Variants in SLC4A4 observed in about 807,000 individuals in gnomAD.
SLC4A4 encodes electrogenic sodium bicarbonate cotransporter 1.
SLC4A4 carries 27 observed loss-of-function variants against 111.5 expected under a neutral mutation model. That is an observed-to-expected ratio of 0.24 (90% CI 0.18 to 0.33). The LOEUF (loss-of-function observed/expected upper bound fraction) is 0.33, where lower values mean the gene tolerates loss of function less well. Among genes scored for constraint, SLC4A4 ranks in the 10% least tolerant of loss-of-function variants. The pLI, the probability that SLC4A4 is intolerant of heterozygous loss-of-function variation, is 1.00. For synonymous variants in SLC4A4, 443 were observed against 463.4 expected (o/e 0.96, Z 0.57); for missense variants, 909 against 1,315.5 (o/e 0.69, Z 4.78).
At chr4:71,471,335 A>G (rs750702111) in intron 13 of SLC4A4, among the ~76,000 whole-genome samples, 2 of 151,964 alleles carry the variant, frequency 1.3e-5, no homozygotes, top group Non-Finnish European at 2.9e-5. Flanking sequence ...TCTGACTTTC[A>G]TTAAAAGGGA....
At chr4:71,118,203 T>C (rs1743324003) in intron 2 of SLC4A4, among the ~76,000 whole-genome samples, 1 of 152,194 alleles carries the variant, frequency 6.6e-6, no homozygotes, top group African/African-American at 2.4e-5. Context: ...TAGTTATCTT[T>C]TTCTTATTGC....
chr4:71,229,438 T>C (rs1248654171), intron 1 of SLC4A4, among the ~76,000 whole-genome samples: 1 of 152,232 alleles, frequency 6.6e-6, no homozygotes, highest in Non-Finnish European at 1.5e-5. Flanking sequence ...AATGAACTTT[T>C]AATACAGTTC....
chr4:71,120,142 T>C (rs1447300543), intron 2 of SLC4A4, among the ~76,000 whole-genome samples: 1 of 152,192 alleles, frequency 6.6e-6, no homozygotes, highest in Non-Finnish European at 1.5e-5. Context: ...AGCTTTTCTT[T>C]TTCTTGTGTC....
chr4:71,482,322 T>A (rs973544211), intron 14 of SLC4A4, among the ~76,000 whole-genome samples: 3 of 151,808 alleles, frequency 2.0e-5, no homozygotes, highest in Non-Finnish European at 4.4e-5. Context: ...TACTTTTTAC[T>A]GTCCTTTTGA....
chr4:71,564,051 C>G (rs945956424), intron 24 of SLC4A4, among the ~76,000 whole-genome samples, 162 bp downstream of exon 24: 1 of 151,824 alleles, frequency 6.6e-6, no homozygotes. Flanking sequence ...TTTTTACATA[C>G]CCTAAGCTTC....
In SLC4A4 at chr4:71,290,748, T is replaced by C. The variant is rs73826230; in HGVS notation, c.253+35349T>C. On this transcript the variant is annotated intron_variant, in intron 3 of 25. Transcript: ENST00000264485. Reference sequence around the variant, plus strand: ...ATACAAACCCATCAGGTGATTTTTATATTATGTGGGAGAGAAACTCTCAGA... The same window carrying C: ...ATACAAACCCATCAGGTGATTTTTACATTATGTGGGAGAGAAACTCTCAGA... Among the ~76,000 whole-genome samples, 320 of 152,320 alleles carry C rather than the reference T, an allele frequency of 2.1e-3. 2 individuals carry two copies. The highest frequency in any genetic ancestry group is 7.3e-3 in the African/African-American group (302 of 41,568).
At chr4:71,259,916 A>T (rs181290642) in intron 3 of SLC4A4, among the ~76,000 whole-genome samples, 30 of 152,264 alleles carry the variant, frequency 2.0e-4, no homozygotes, top group Admixed American at 1.7e-3. Flanking sequence ...GATGTGTAAG[A>T]TATTTCTTGA....
chr4:71,465,017 G>A (rs76629394), intron 12 of SLC4A4, among the ~76,000 whole-genome samples: 1 of 152,196 alleles, frequency 6.6e-6, no homozygotes, highest in Non-Finnish European at 1.5e-5. Context: ...GTAAGAGGTG[G>A]CCTAGTGAGG....
intron 3 of SLC4A4, among the ~76,000 whole-genome samples, chr4:71,279,746 TATGAGG>T (rs991810089): frequency 6.6e-6 from 1 of 152,178 alleles, no homozygotes; most frequent in Non-Finnish European, 1.5e-5. Context: ...ATTAACAGTG[TATGAGG>T]ATTCTCTTTT....
At chr4:71,500,162 G>A (rs1221025413) in intron 16 of SLC4A4, among the ~76,000 whole-genome samples, 1 of 152,082 alleles carries the variant, frequency 6.6e-6, no homozygotes, top group East Asian at 1.9e-4. Flanking sequence ...GTAATTTGTA[G>A]TTCCCTGATA....
At position 71,472,493 on chromosome 4, in the gene SLC4A4, C is replaced by T. The variant is rs111533596; in HGVS notation, c.1632-206C>T. ...ATATAACTACTTTCAATGCATTTTC[C>T]TCAAACTTTTATTGCTATTTTAAAA... On this transcript the variant is annotated intron_variant, in intron 13 of 25. Coordinates refer to ENST00000264485, the MANE Select transcript of SLC4A4 (RefSeq NM_001098484.3). Among the ~76,000 whole-genome samples the T allele has an allele frequency of 1.5e-4, 23 of 151,952 alleles. 1 individual carries two copies. The highest frequency in any genetic ancestry group is 5.5e-4 in the African/African-American group (23 of 41,512).
intron 2 of SLC4A4, among the ~76,000 whole-genome samples, chr4:71,114,257 A>G: frequency 6.6e-6 from 1 of 152,182 alleles, no homozygotes; most frequent in East Asian, 1.9e-4. Flanking sequence ...AAAAACAAAC[A>G]AACAAACATA....
intron 7 of SLC4A4, among the ~76,000 whole-genome samples, chr4:71,410,812 G>A (rs1024255232): frequency 1.3e-5 from 2 of 152,062 alleles, no homozygotes; most frequent in African/African-American, 4.8e-5. Flanking sequence ...AGTTCCACAG[G>A]AGTATATACA....
intron 14 of SLC4A4, among the ~76,000 whole-genome samples, chr4:71,483,275 A>G (rs755485811): frequency 2.6e-5 from 4 of 151,532 alleles, no homozygotes; most frequent in Admixed American, 6.6e-5. Context: ...TCACCCAAGT[A>G]TTAAGCCAAG....
intron 6 of SLC4A4, among the ~76,000 whole-genome samples, chr4:71,371,812 C>T (rs1422340736): frequency 6.6e-6 from 1 of 152,116 alleles, no homozygotes; most frequent in Non-Finnish European, 1.5e-5. Flanking sequence ...TTTTGTGTCT[C>T]CTCTGGTGCA....
intron 3 of SLC4A4, among the ~76,000 whole-genome samples, chr4:71,304,441 C>T (rs1479289218): frequency 1.3e-5 from 2 of 152,188 alleles, no homozygotes; most frequent in Non-Finnish European, 2.9e-5. Flanking sequence ...ACCTTTCCGC[C>T]ATCTTTTTGT....
intron 1 of SLC4A4, among the ~76,000 whole-genome samples, chr4:71,223,239 G>C (rs988891778): frequency 1.3e-5 from 2 of 151,012 alleles, no homozygotes; most frequent in African/African-American, 2.4e-5. Context: ...GCAGTGGCGC[G>C]ATCTCAGCTC....
chr4:71,471,792 G>A (rs1209861888), intron 13 of SLC4A4, among the ~76,000 whole-genome samples: 1 of 151,862 alleles, frequency 6.6e-6, no homozygotes, highest in Non-Finnish European at 1.5e-5. Context: ...AATGGGAAAG[G>A]CCTCAAAAGA....
chr4:71,542,104 T>A (rs1411797463), intron 18 of SLC4A4, among the ~76,000 whole-genome samples: 2 of 152,140 alleles, frequency 1.3e-5, no homozygotes, highest in Non-Finnish European at 2.9e-5. Flanking sequence ...TGGGGCAACA[T>A]GAATTTGAAG....
Sources: gnomAD v4.1 joint callset for allele counts (sites outside exome capture counted in the v4.1 genomes callset) on GRCh38, gnomAD v4.1.1 for gene constraint, MANE v1.5 for transcripts, NCBI Gene and HGNC (gene_info 2026-07-23, HGNC 2026-07-21) for gene names.